ADAM12: variants seen among roughly 807,000 people sequenced by gnomAD.
ADAM12 encodes the protein ADAM metallopeptidase domain 12.
Under a neutral mutation model 106.4 loss-of-function variants are expected in ADAM12, and 70 were observed. The ratio of observed to expected loss-of-function variants is 0.66; its 90% CI spans 0.54 to 0.80. The LOEUF is 0.80. Ranked by LOEUF, ADAM12 falls within the 30% of genes least tolerant of loss-of-function variation. The pLI is 0.00. For synonymous variants in ADAM12, 420 were observed against 433.5 expected, an observed-to-expected ratio of 0.97 and a Z score of 0.39; for missense variants, 1,010 against 1,171.9, an observed-to-expected ratio of 0.86 and a Z score of 2.02.
chr10:126,326,998 G>A (rs1008934766), intron 2 of ADAM12, among the ~76,000 whole-genome samples: 9 of 152,198 alleles, frequency 5.9e-5, no homozygotes, highest in African/African-American at 1.9e-4. Context: ...CCACTTTTTA[G>A]CCCAAAGTGC....
intron 2 of ADAM12, among the ~76,000 whole-genome samples, chr10:126,328,827 T>C (rs1854399595): frequency 6.6e-6 from 1 of 152,278 alleles, no homozygotes; most frequent in African/African-American, 2.4e-5. Flanking sequence ...CTAATAATCA[T>C]GGTTCTTCCT....
chr10:126,274,153 C>T (rs561194005), intron 3 of ADAM12, among the ~76,000 whole-genome samples: 8 of 152,136 alleles, frequency 5.3e-5, no homozygotes, highest in African/African-American at 9.7e-5. Flanking sequence ...TGATGAGCCA[C>T]GCTGTCCTAC....
intron 2 of ADAM12, among the ~76,000 whole-genome samples, chr10:126,313,113 G>A (rs1449740254): frequency 1.3e-5 from 2 of 152,158 alleles, no homozygotes; most frequent in Admixed American, 1.3e-4. Flanking sequence ...CATCACCTGA[G>A]CCTGCAGCTT....
At chr10:126,341,621 C>A (rs865870623) in intron 1 of ADAM12, among the ~76,000 whole-genome samples, 12 of 152,142 alleles carry the variant, frequency 7.9e-5, no homozygotes, top group Non-Finnish European at 1.5e-4. Flanking sequence ...CATTATCTAC[C>A]CAGCAGGAAA....
chr10:126,316,332 GAAAAGCAGGGTA>G (rs1853870043), intron 2 of ADAM12, among the ~76,000 whole-genome samples: 1 of 152,184 alleles, frequency 6.6e-6, no homozygotes. Context: ...GGACTCAACA[GAAAAGCAGGGTA>G]ATCTCTAATC....
rs577719629 is a variant in ADAM12 at position 126,206,847 on chromosome 10, T to C, written c.261-51542A>G. Among the ~76,000 whole-genome samples, 309 of 49,336 alleles carry C rather than the reference T, an allele frequency of 6.3e-3. 2 individuals are homozygous for C. The highest frequency in any genetic ancestry group is 0.013 in the Non-Finnish European group (249 of 19,340). The allele number at this position is 49,336 out of a possible 152,430, so 32.4% of individuals were successfully genotyped here. ...TGAGTTGTAGCTCCCTGAATTCCCA[T>C]GTGTTGTGGGGGCGGGGGGGAGCCA... On this transcript the variant is annotated intron_variant, in intron 3 of 22. Transcript: ENST00000448723.
intron 3 of ADAM12, among the ~76,000 whole-genome samples, chr10:126,275,543 A>G (rs1002092818): frequency 6.6e-6 from 1 of 152,172 alleles, no homozygotes; most frequent in African/African-American, 2.4e-5. Context: ...TAATTAGATG[A>G]CTCTCAGCAT....
At chr10:126,294,980 T>G (rs1478026950) in intron 2 of ADAM12, among the ~76,000 whole-genome samples, 1 of 151,918 alleles carries the variant, frequency 6.6e-6, no homozygotes, top group African/African-American at 2.4e-5. Context: ...AAAGTTGCAA[T>G]GGAATAAGGA....
intron 12 of ADAM12, among the ~76,000 whole-genome samples, chr10:126,068,096 A>G (rs1590364245): frequency 1.3e-5 from 2 of 152,316 alleles, no homozygotes; most frequent in East Asian, 1.9e-4. Context: ...AATATATACA[A>G]TAAGATAAAA....
intron 3 of ADAM12, among the ~76,000 whole-genome samples, chr10:126,260,299 C>T (rs575967463): frequency 6.6e-6 from 1 of 152,142 alleles, no homozygotes; most frequent in Admixed American, 6.5e-5. Flanking sequence ...TAAAAGCTGC[C>T]CTCTGTTCCT....
intron 2 of ADAM12, among the ~76,000 whole-genome samples, chr10:126,312,133 A>G (rs74873925): frequency 0.016 from 1,043 of 67,138 alleles, 9 homozygotes; most frequent in African/African-American, 0.033. Flanking sequence ...TTGGTGTGGA[A>G]AAAAAAAAAA....
intron 3 of ADAM12, among the ~76,000 whole-genome samples, chr10:126,160,448 A>G (rs981936554): frequency 6.6e-6 from 1 of 152,222 alleles, no homozygotes; most frequent in Non-Finnish European, 1.5e-5. Context: ...TGAGCTGGAA[A>G]AACAGGCAGC....
intron 1 of ADAM12, among the ~76,000 whole-genome samples, chr10:126,356,941 T>G (rs750227394): frequency 6.6e-6 from 1 of 151,814 alleles, no homozygotes; most frequent in Non-Finnish European, 1.5e-5. Flanking sequence ...AACAGAAAAA[T>G]GAAGGAAGCC....
chr10:126,171,996 G>A (rs1321208773), intron 3 of ADAM12, among the ~76,000 whole-genome samples: 2 of 152,174 alleles, frequency 1.3e-5, no homozygotes, highest in African/African-American at 4.8e-5. Flanking sequence ...TAGCTAATAC[G>A]TTGAGGAGGA....
At chr10:126,211,965 T>C (rs529034239) in intron 3 of ADAM12, among the ~76,000 whole-genome samples, 1 of 152,336 alleles carries the variant, frequency 6.6e-6, no homozygotes, top group South Asian at 2.1e-4. Context: ...ACTGGAGCAG[T>C]TGTGAAGTCC....
chr10:126,261,547 T>C (rs1485577346), intron 3 of ADAM12, among the ~76,000 whole-genome samples: 1 of 152,180 alleles, frequency 6.6e-6, no homozygotes, highest in Non-Finnish European at 1.5e-5. Context: ...CCTTTGCGAC[T>C]GTGTAAAACG....
chr10:126,207,791 G>A (rs1007230041), intron 3 of ADAM12, among the ~76,000 whole-genome samples: 1 of 152,060 alleles, frequency 6.6e-6, no homozygotes, highest in African/African-American at 2.4e-5. Context: ...CCAGATTCTT[G>A]TTTCACTCAT....
chr10:126,388,126 G>A lies in ADAM12; in HGVS notation c.20C>T (p.Pro7Leu). The part of the protein sequence containing the change: MAARPL[P>L]VSPARALLLA... ...CAGGAGGGCGCGGGCGGGGGACACG[G>A]GCAGCGGGCGCGCTGCCATCGTCGC... The change falls in exon 1 of 23, where the codon CCC becomes CTC. Residue 7 changes from proline to leucine, a missense_variant. Around this residue, in one of 3 missense-constraint regions of ADAM12, gnomAD observed 391 missense variants for 442.9 expected, o/e 0.88. Coordinates refer to ENST00000448723, the MANE Select transcript of ADAM12 (RefSeq NM_001288973.2). The surrounding 1 kb of genome is among the most constrained non-coding windows in gnomAD (Gnocchi z 4.4). 1 of 1,219,280 alleles carries A rather than the reference G, an allele frequency of 8.2e-7. No individual in the cohort carries two copies. The allele number at this position is 1,219,280 out of a possible 1,614,324, so 75.5% of individuals were successfully genotyped here.
intron 14 of ADAM12, among the ~76,000 whole-genome samples, chr10:126,051,552 T>C (rs1179807007): frequency 7.6e-5 from 7 of 92,690 alleles, no homozygotes; most frequent in South Asian, 4.8e-4. Context: ...CATCCATCCA[T>C]CCATCCATCC....
Sources: allele counts gnomAD v4.1 joint callset (sites outside exome capture counted in the v4.1 genomes callset), GRCh38; gene constraint gnomAD v4.1.1; regional missense constraint gnomAD v4.1.1; non-coding constraint Gnocchi (gnomAD v3.1); transcripts MANE v1.5; gene names NCBI Gene and HGNC (gene_info 2026-07-23, HGNC 2026-07-21).